The following PHF24 variants were observed in gnomAD, a reference collection of about 807,000 sequenced individuals.
PHF24 encodes Galpha inhibitory interacting protein.
Under a neutral mutation model 42.6 loss-of-function variants are expected in PHF24, and 25 were observed. The ratio of observed to expected loss-of-function variants is 0.59; its 90% CI spans 0.43 to 0.82. The LOEUF (loss-of-function observed/expected upper bound fraction) is 0.82, where lower values mean the gene tolerates loss of function less well. Among genes scored for constraint, PHF24 ranks in the 40% least tolerant of loss-of-function variants. PHF24 has a pLI of 0.00. For missense variants in PHF24, 470 were observed against 538.1 expected, an observed-to-expected ratio of 0.87 and a Z score of 1.25; for synonymous variants, 185 against 204.8, an observed-to-expected ratio of 0.90 and a Z score of 0.83.
At chr9:34,899,887 T>A in the PHF24 span, among the ~76,000 whole-genome samples, 2 of 152,142 alleles carry the variant, frequency 1.3e-5, no homozygotes, top group African/African-American at 2.4e-5. Flanking sequence ...AAAATATAGA[T>A]TTTCTGGTTT....
chr9:34,828,993 G>A, the PHF24 span, among the ~76,000 whole-genome samples: 65 of 142,658 alleles, frequency 4.6e-4, no homozygotes, highest in Admixed American at 1.3e-3. Context: ...AGGACTATCA[G>A]GCTTCTGTGT....
the PHF24 span, among the ~76,000 whole-genome samples, chr9:34,910,819 G>T: frequency 2.0e-5 from 3 of 151,444 alleles, no homozygotes; most frequent in African/African-American, 7.3e-5. Flanking sequence ...CTTGTATCTT[G>T]TCTTCTTTTT....
At chr9:34,682,255 C>T in the PHF24 span, among the ~76,000 whole-genome samples, 1 of 143,110 alleles carries the variant, frequency 7.0e-6, no homozygotes, top group East Asian at 2.3e-4. Flanking sequence ...GCAGGGATTA[C>T]AGTCATGAAC....
intron 7 of PHF24, 150 bp downstream of exon 7, chr9:34,977,791 A>G (rs1190831726): frequency 7.7e-6 from 6 of 777,610 alleles, no homozygotes; most frequent in Non-Finnish European, 1.3e-5. Flanking sequence ...ACCCAAGTCT[A>G]TAGGACCAGC....
chr9:34,731,748 T>C, the PHF24 span, among the ~76,000 whole-genome samples: 1 of 152,250 alleles, frequency 6.6e-6, no homozygotes, highest in African/African-American at 2.4e-5. Flanking sequence ...TGTGTAAATA[T>C]AGGAGTGCAG....
At chr9:34,780,187 A>T in the PHF24 span, among the ~76,000 whole-genome samples, 3 of 152,166 alleles carry the variant, frequency 2.0e-5, no homozygotes, top group Non-Finnish European at 2.9e-5. Context: ...ACCTAAATTT[A>T]AAAGCTAAAA....
chr9:34,764,189 G>T, the PHF24 span, among the ~76,000 whole-genome samples: 5 of 152,226 alleles, frequency 3.3e-5, no homozygotes, highest in Non-Finnish European at 7.3e-5. Context: ...CCCGGCTTTG[G>T]TATCAGGATG....
chr9:34,838,435 G>C, the PHF24 span: 1 of 1,311,896 alleles, frequency 7.6e-7, no homozygotes. Context: ...GATGAAGATG[G>C]AGCCATAGGT....
chr9:34,916,861 A>T, the PHF24 span, among the ~76,000 whole-genome samples: 146,779 of 152,318 alleles, frequency 0.96, 70,806 homozygotes, highest in Non-Finnish European at 0.99. Context: ...AAAAGATAAT[A>T]TTTCAAAGAG....
the PHF24 span, among the ~76,000 whole-genome samples, chr9:34,787,577 A>G: frequency 2.0e-5 from 3 of 152,228 alleles, no homozygotes; most frequent in South Asian, 6.2e-4. Flanking sequence ...GTAAGTCTTT[A>G]TGTTATGAAG....
the PHF24 span, among the ~76,000 whole-genome samples, chr9:34,836,661 A>G: frequency 6.6e-6 from 1 of 152,166 alleles, no homozygotes; most frequent in South Asian, 2.1e-4. Flanking sequence ...GAACTAAAGG[A>G]AGTATTATCA....
At chr9:34,936,069 C>T in the PHF24 span, among the ~76,000 whole-genome samples, 144 of 151,650 alleles carry the variant, frequency 9.5e-4, 1 homozygote, top group Admixed American at 4.8e-3. Flanking sequence ...CTCTCCCTCT[C>T]CCCACGGTCT....
At chr9:34,855,206 A>G in the PHF24 span, among the ~76,000 whole-genome samples, 2 of 152,118 alleles carry the variant, frequency 1.3e-5, no homozygotes, top group Non-Finnish European at 2.9e-5. Context: ...CAGCATACCA[A>G]TGGGGCTTGG....
At chr9:34,835,948 G>C in the PHF24 span, 52 of 731,160 alleles carry the variant, frequency 7.1e-5, no homozygotes, top group African/African-American at 7.7e-4. Flanking sequence ...ATTCTCATCC[G>C]CCAGCAACTG....
chr9:34,840,350 A>G, the PHF24 span, among the ~76,000 whole-genome samples: 174 of 148,404 alleles, frequency 1.2e-3, 1 homozygote, highest in Non-Finnish European at 2.0e-3. Flanking sequence ...ATGAATTTCA[A>G]TGTTTTATTC....
the PHF24 span, chr9:34,727,016 C>T: frequency 1.4e-3 from 2,106 of 1,535,386 alleles, 27 homozygotes; most frequent in African/African-American, 0.025. Context: ...GCAAAATTAA[C>T]GATGGAGTGA....
chr9:34,951,495 A>T, the PHF24 span, among the ~76,000 whole-genome samples: 1 of 152,230 alleles, frequency 6.6e-6, no homozygotes, highest in Non-Finnish European at 1.5e-5. Context: ...TGTGAGAAAG[A>T]TTCAACCATC....
At chr9:34,886,862 C>CTA in the PHF24 span, among the ~76,000 whole-genome samples, 1 of 151,948 alleles carries the variant, frequency 6.6e-6, no homozygotes, top group Non-Finnish European at 1.5e-5. Flanking sequence ...ATCTATCTAT[C>CTA]TCTGGCTGTC....
At chr9:34,747,777 A>G in the PHF24 span, among the ~76,000 whole-genome samples, 3 of 152,188 alleles carry the variant, frequency 2.0e-5, no homozygotes, top group Non-Finnish European at 4.4e-5. Flanking sequence ...TTTCCTGATG[A>G]CCCGGAAATT....
Sources: allele counts gnomAD v4.1 joint callset (sites outside exome capture counted in the v4.1 genomes callset), GRCh38; gene constraint gnomAD v4.1.1; transcripts MANE v1.5; gene names NCBI Gene and HGNC (gene_info 2026-07-23, HGNC 2026-07-21).